Variants in CCDC6 observed in about 807,000 individuals in gnomAD.
CCDC6 encodes the protein coiled-coil domain containing 6.
In CCDC6, 20 loss-of-function variants were observed where a neutral mutation model predicts 56.6. The observed-to-expected ratio is 0.35, with a 90% CI of 0.25 to 0.51. The LOEUF is 0.51. Among genes scored for constraint, CCDC6 ranks in the 20% least tolerant of loss-of-function variants. CCDC6 has a pLI of 0.95. For missense variants in CCDC6, 367 were observed against 601.1 expected, an observed-to-expected ratio of 0.61 and a Z score of 4.07; for synonymous variants, 241 against 234.4, an observed-to-expected ratio of 1.03 and a Z score of -0.26.
intron 3 of CCDC6, among the ~76,000 whole-genome samples, chr10:59,829,015 G>C (rs1012974451): frequency 1.3e-5 from 2 of 152,174 alleles, no homozygotes; most frequent in African/African-American, 4.8e-5. Context: ...AACATTCCCT[G>C]TTTGAAGAAT....
chr10:59,800,437 G>C (rs1222856419), intron 7 of CCDC6, among the ~76,000 whole-genome samples: 1 of 152,122 alleles, frequency 6.6e-6, no homozygotes, highest in African/African-American at 2.4e-5. Context: ...TTTTCATTCA[G>C]TTCAATGCCC....
intron 1 of CCDC6, among the ~76,000 whole-genome samples, chr10:59,883,130 T>A (rs528272987): frequency 7.2e-5 from 11 of 152,142 alleles, no homozygotes; most frequent in Non-Finnish European, 1.0e-4. Flanking sequence ...ATCAACTGGG[T>A]CCATTGCCCA....
intron 1 of CCDC6, 107 bp downstream of exon 1, chr10:59,906,015 G>T: frequency 1.0e-6 from 1 of 978,992 alleles, no homozygotes; most frequent in Non-Finnish European, 1.5e-6. Context: ...GCTCTCAGAG[G>T]GTCCCCGGGA....
chr10:59,875,699 T>A (rs2071273440), intron 1 of CCDC6, among the ~76,000 whole-genome samples: 1 of 152,208 alleles, frequency 6.6e-6, no homozygotes, highest in South Asian at 2.1e-4. Flanking sequence ...TATTCTTCCA[T>A]CAACCCTAAT....
intron 1 of CCDC6, among the ~76,000 whole-genome samples, chr10:59,865,597 T>C (rs2071170061): frequency 1.3e-5 from 2 of 152,114 alleles, no homozygotes; most frequent in Non-Finnish European, 2.9e-5. Flanking sequence ...CTCACGCCTG[T>C]AATCCCAGCA....
At chr10:59,810,211 T>C (rs1056876328) in intron 5 of CCDC6, among the ~76,000 whole-genome samples, 1 of 152,194 alleles carries the variant, frequency 6.6e-6, no homozygotes, top group Non-Finnish European at 1.5e-5. Flanking sequence ...GAGGCCCAGG[T>C]CATCTAACCT....
chr10:59,836,637 G>A (rs572022352), intron 2 of CCDC6, among the ~76,000 whole-genome samples: 9 of 152,196 alleles, frequency 5.9e-5, no homozygotes, highest in Non-Finnish European at 1.2e-4. Context: ...TGCCTAGGCA[G>A]ATTAAATGGC....
At chr10:59,860,231 T>C (rs1265339895) in intron 1 of CCDC6, among the ~76,000 whole-genome samples, 1 of 151,962 alleles carries the variant, frequency 6.6e-6, no homozygotes. Context: ...AACCCTCCCA[T>C]CCCCAGGACT....
chr10:59,849,744 C>A (rs2071022311), intron 2 of CCDC6, among the ~76,000 whole-genome samples: 1 of 152,184 alleles, frequency 6.6e-6, no homozygotes, highest in Admixed American at 6.5e-5. Flanking sequence ...TTTCTCTTAG[C>A]AGGCTTTTTT....
intron 1 of CCDC6, among the ~76,000 whole-genome samples, chr10:59,855,198 C>A (rs989664255): frequency 2.6e-5 from 4 of 152,158 alleles, no homozygotes; most frequent in Admixed American, 2.0e-4. Flanking sequence ...CACCCCTCCC[C>A]AATTCATCTA....
chr10:59,893,342 T>C (rs2071437905), intron 1 of CCDC6, among the ~76,000 whole-genome samples: 1 of 152,148 alleles, frequency 6.6e-6, no homozygotes, highest in Non-Finnish European at 1.5e-5. Context: ...CTTATGCCTA[T>C]AATCCCAGCA....
chr10:59,858,688 T>G (rs944932931), intron 1 of CCDC6, among the ~76,000 whole-genome samples: 1 of 152,158 alleles, frequency 6.6e-6, no homozygotes, highest in Non-Finnish European at 1.5e-5. Flanking sequence ...ACACACCTCA[T>G]CATGTCAGTT....
In CCDC6 at chr10:59,797,016, C is replaced by T. The variant is rs112830372; in HGVS notation, c.1106-2419G>A. On this transcript the variant is annotated intron_variant, in intron 7 of 8. Transcript: ENST00000263102. The stretch of plus-strand genomic sequence containing the variant: ...TGGAAACAACCTCACTGTCCATCAA[C>T]GGATGAGCAGATAAAGAAAATGTGA... 6.1e-3 allele frequency among the ~76,000 whole-genome samples: 924 copies of T among 150,534 alleles called. 5 individuals are homozygous for T. The highest frequency in any genetic ancestry group is 0.014 in the Middle Eastern group (4 of 288).
At chr10:59,823,006 A>G (rs539136837) in intron 3 of CCDC6, among the ~76,000 whole-genome samples, 1 of 152,290 alleles carries the variant, frequency 6.6e-6, no homozygotes, top group African/African-American at 2.4e-5. Context: ...ACTTTGGAGA[A>G]GACTACAGGC....
chr10:59,894,271 G>C (rs2071445184), intron 1 of CCDC6, among the ~76,000 whole-genome samples: 1 of 152,186 alleles, frequency 6.6e-6, no homozygotes, highest in Non-Finnish European at 1.5e-5. Context: ...ACACAGCCCA[G>C]AGTTGCCCAG....
At chr10:59,824,031 T>C (rs943785037) in intron 3 of CCDC6, among the ~76,000 whole-genome samples, 2 of 152,192 alleles carry the variant, frequency 1.3e-5, no homozygotes, top group African/African-American at 2.4e-5. Flanking sequence ...AGGAAATACA[T>C]TGAGTTTTTC....
At chr10:59,825,456 A>G (rs2070780651) in intron 3 of CCDC6, among the ~76,000 whole-genome samples, 1 of 152,144 alleles carries the variant, frequency 6.6e-6, no homozygotes, top group African/African-American at 2.4e-5. Flanking sequence ...TCTTTTGTAA[A>G]TTGCCCAGTC....
intron 1 of CCDC6, among the ~76,000 whole-genome samples, chr10:59,868,237 CT>C (rs562208894): frequency 1.2e-3 from 187 of 152,266 alleles, no homozygotes; most frequent in Middle Eastern, 3.4e-3. Context: ...GATTAAGGCC[CT>C]GAGTTTTGGG....
chr10:59,835,406 T>C (rs555794904), intron 2 of CCDC6, among the ~76,000 whole-genome samples: 11 of 152,318 alleles, frequency 7.2e-5, no homozygotes, highest in African/African-American at 2.4e-4. Flanking sequence ...TTTAAGACTA[T>C]AGATTGAACT....
Sources: gnomAD v4.1 joint callset for allele counts (sites outside exome capture counted in the v4.1 genomes callset) on GRCh38, gnomAD v4.1.1 for gene constraint, MANE v1.5 for transcripts, NCBI Gene and HGNC (gene_info 2026-07-23, HGNC 2026-07-21) for gene names.